The following COL5A1 variants were observed in gnomAD, a reference collection of about 807,000 sequenced individuals.
The protein encoded by COL5A1 is collagen alpha-1(V) chain.
Under a neutral mutation model 263.7 loss-of-function variants are expected in COL5A1, and 16 were observed. The observed-to-expected ratio is 0.06, with a 90% CI of 0.04 to 0.09. COL5A1 has a LOEUF of 0.09. COL5A1 is among the 10% of genes least tolerant of loss of function. The pLI is 1.00. For missense variants in COL5A1, 2,036 were observed against 2,540.5 expected, an observed-to-expected ratio of 0.80 and a Z score of 4.27; for synonymous variants, 1,012 against 1,004.5, an observed-to-expected ratio of 1.01 and a Z score of -0.14.
intron 64 of COL5A1, among the ~76,000 whole-genome samples, chr9:134,831,399 TC>T (rs1839619225): frequency 1.3e-5 from 2 of 152,200 alleles, no homozygotes; most frequent in Admixed American, 1.3e-4. Context: ...AGTCCTCTCC[TC>T]CTTTCCTCTC....
rs1271477770 is a variant in COL5A1, at chr9:134,759,340, A to G, written c.1935+1044A>G. On this transcript the variant is annotated intron_variant, in intron 18 of 65. Coordinates refer to ENST00000371817, the MANE Select transcript of COL5A1 (RefSeq NM_000093.5). ...CTCATACACACATGCACACAAGCAC[A>G]CACACACACCCACATTCATACACAG... 5.7e-5 allele frequency among the ~76,000 whole-genome samples: 8 copies of G among 140,388 alleles called. No homozygotes were observed. The Admixed American group carries it at 5.8e-4, about 10-fold the overall frequency. The allele number at this position is 140,388 out of a possible 152,430, so 92.1% of individuals were successfully genotyped here.
chr9:134,654,742 G>A (rs1257195674), intron 1 of COL5A1, among the ~76,000 whole-genome samples: 2 of 143,060 alleles, frequency 1.4e-5, no homozygotes, highest in African/African-American at 2.6e-5. Flanking sequence ...GCTGGGGTGT[G>A]TGTAGGGCTG....
chr9:134,750,951 G>A (rs1304175528), intron 13 of COL5A1, 69 bp downstream of exon 13: 1 of 1,361,008 alleles, frequency 7.3e-7, no homozygotes, highest in African/African-American at 1.4e-5. Context: ...ACAGGAGTGA[G>A]TGAGTCAGGC....
At chr9:134,773,069 CTGCCCATGACCGGATCGGG>C (rs6151208) in intron 26 of COL5A1, among the ~76,000 whole-genome samples, 1 of 151,024 alleles carries the variant, frequency 6.6e-6, no homozygotes, top group Non-Finnish European at 1.5e-5. Flanking sequence ...CCTCCAGTTG[CTGCCCATGACCGGATCGGG>C]TGCCCATGAC....
In COL5A1 at chr9:134,742,706, GT is replaced by G. The variant is rs1406027415; in HGVS notation, c.1494+3901del. Among the ~76,000 whole-genome samples, 1 of 152,334 alleles carries G rather than the reference GT, an allele frequency of 6.6e-6. No homozygotes were observed. Among genetic ancestry groups the G allele is most frequent in the Admixed American group, 6.5e-5 (1 of 15,308 alleles). On this transcript the variant is annotated intron_variant, in intron 11 of 65. Transcript: ENST00000371817. This position sits in a 1 kb window ranked among gnomAD's most constrained non-coding sequence, Gnocchi z 4.6. Reference sequence around the variant, plus strand: ...TGGCTTCTGTGCCACCTGCCAGTGCGTTTCTGTAGGGGCTGACTCTTTTGCG... The same window carrying G: ...TGGCTTCTGTGCCACCTGCCAGTGCGTTCTGTAGGGGCTGACTCTTTTGCG...
chr9:134,744,993 G>A (rs1380431308), intron 11 of COL5A1, among the ~76,000 whole-genome samples: 2 of 152,248 alleles, frequency 1.3e-5, no homozygotes, highest in African/African-American at 4.8e-5. Flanking sequence ...TTCCATGGAG[G>A]CTGGTCTGCA....
At chr9:134,803,775 G>A (rs1329633603) in intron 39 of COL5A1, among the ~76,000 whole-genome samples, 5 of 152,064 alleles carry the variant, frequency 3.3e-5, no homozygotes, top group Admixed American at 6.6e-5. Flanking sequence ...CTCGGGGGGC[G>A]GAGCTTGCAG....
chr9:134,642,229 C>A lies in COL5A1; in HGVS notation c.42C>A (p.Arg14=). 7.7e-7 allele frequency: 1 copy of A among 1,296,332 alleles called. No individual in the cohort carries two copies. 80.3% of individuals were successfully genotyped at this position (1,296,332 alleles called of 1,614,324 possible). A position where few individuals can be genotyped will look rare whatever the true frequency, so the allele number is the denominator to read the frequency against. Residue 14 remains arginine, a synonymous_variant, in exon 1 of 66, where the codon CGC becomes CGA. Coordinates refer to ENST00000371817, the MANE Select transcript of COL5A1 (RefSeq NM_000093.5). The surrounding 1 kb of genome is among the most constrained non-coding windows in gnomAD (Gnocchi z 4.5). ...HTRWKARSAL[R]PGAPLLPPLL... is the part of the protein sequence containing the mutation. ...GCTGGAAAGCGCGCAGCGCGCTCCG[C>A]CCGGGCGCCCCGCTGCTGCCCCCGC...
chr9:134,825,955 G>C (rs1451541595), intron 63 of COL5A1, 51 bp downstream of exon 63: 3 of 1,226,142 alleles, frequency 2.4e-6, no homozygotes, highest in Non-Finnish European at 3.6e-6. Context: ...GTCACAGACA[G>C]GGCCATGCCG....
intron 1 of COL5A1, among the ~76,000 whole-genome samples, chr9:134,669,497 C>T (rs1193214827): frequency 6.6e-6 from 1 of 151,926 alleles, no homozygotes; most frequent in Non-Finnish European, 1.5e-5. Context: ...TGGTTTACGA[C>T]CATCTCAGAC....
Position 134,700,912 on chromosome 9 carries a change from T to G in COL5A1, c.492-259T>G, listed in dbSNP as rs540216657. ...TGTGCTCCCCCTTCCCCCTTTCACT[T>G]GGGCTCCCGGCTGGGCTTCCAGGGT... On this transcript the variant is annotated intron_variant, in intron 3 of 65. Coordinates refer to ENST00000371817, the MANE Select transcript of COL5A1 (RefSeq NM_000093.5). This position sits in a 1 kb window ranked among gnomAD's most constrained non-coding sequence, Gnocchi z 4.0. 6.6e-6 allele frequency among the ~76,000 whole-genome samples: 1 copy of G among 152,262 alleles called. No homozygotes were observed. Among genetic ancestry groups the G allele is most frequent in the African/African-American group, 2.4e-5 (1 of 41,556 alleles).
chr9:134,769,834 GGAAGGGGGCCTGGGTGT>G (rs1278172142), intron 25 of COL5A1, among the ~76,000 whole-genome samples: 2 of 151,990 alleles, frequency 1.3e-5, no homozygotes. Context: ...TCTGCGGGGA[GGAAGGGGGCCTGGGTGT>G]GAAGGGGGCT....
intron 1 of COL5A1, among the ~76,000 whole-genome samples, chr9:134,684,037 T>TC (rs1454233711): frequency 6.6e-6 from 1 of 152,144 alleles, no homozygotes; most frequent in Non-Finnish European, 1.5e-5. Context: ...CCACTCTCCT[T>TC]CCCGAAAGCA....
chr9:134,725,382 G>A (rs1834611126), intron 4 of COL5A1, among the ~76,000 whole-genome samples: 1 of 152,192 alleles, frequency 6.6e-6, no homozygotes, highest in Admixed American at 6.5e-5. Context: ...TTGATCTGTG[G>A]TAAACATGAT....
intron 14 of COL5A1, 137 bp downstream of exon 14, chr9:134,752,782 AG>A: frequency 1.5e-6 from 1 of 663,258 alleles, no homozygotes; most frequent in South Asian, 1.8e-5. Flanking sequence ...TGTTCCCAGG[AG>A]GGTGGCCAGG....
rs183377920 is a variant in COL5A1, at chr9:134,658,273, C to T, written c.109+15977C>T. ...CTGGGAGGTTCTGGACCCCGGCCTC[C>T]GCAGCCCATAGGTTTCACCATTACC... On this transcript the variant is annotated intron_variant, in intron 1 of 65. Transcript: ENST00000371817. 4.6e-5 allele frequency among the ~76,000 whole-genome samples: 7 copies of T among 152,226 alleles called. No homozygotes were observed. The East Asian group carries it at 7.7e-4, about 17-fold the overall frequency.
chr9:134,716,001 GTGGTGA>G lies in COL5A1; in HGVS notation c.655-11262_655-11257del, dbSNP rs1000628918. 5.3e-5 allele frequency among the ~76,000 whole-genome samples: 8 copies of G among 149,914 alleles called. No homozygotes were observed. Among genetic ancestry groups the G allele is most frequent in the Non-Finnish European group, 1.0e-4 (7 of 67,782 alleles). ...GCTGGTGGTGGTGGTGGTGGTGGTGGTGGTGATGATGTTAGTAGTGTGTTGGTTCTA... is the reference window on the plus strand; with the variant it reads ...GCTGGTGGTGGTGGTGGTGGTGGTGGTGATGTTAGTAGTGTGTTGGTTCTA... On this transcript the variant is annotated intron_variant, in intron 4 of 65. Coordinates refer to ENST00000371817, the MANE Select transcript of COL5A1 (RefSeq NM_000093.5). This position sits in a 1 kb window ranked among gnomAD's most constrained non-coding sequence, Gnocchi z 4.5.
At chr9:134,772,942 CG>C (rs1836913154) in intron 26 of COL5A1, 108 bp downstream of exon 26, 1 of 1,168,940 alleles carries the variant, frequency 8.6e-7, no homozygotes, top group African/African-American at 1.5e-5. Context: ...AGGAAGGAGC[CG>C]GGGACACTCA....
chr9:134,718,850 G>A (rs921734859), intron 4 of COL5A1, among the ~76,000 whole-genome samples: 2 of 152,206 alleles, frequency 1.3e-5, no homozygotes, highest in Non-Finnish European at 2.9e-5. Context: ...ATGGGAGAGT[G>A]GAAAGGAGAC....
Sources: allele counts gnomAD v4.1 joint callset (sites outside exome capture counted in the v4.1 genomes callset), GRCh38; gene constraint gnomAD v4.1.1; non-coding constraint Gnocchi (gnomAD v3.1); transcripts MANE v1.5; gene names NCBI Gene and HGNC (gene_info 2026-07-23, HGNC 2026-07-21).